The following FGF14 variants were observed in gnomAD, a reference collection of about 807,000 sequenced individuals.
FGF14 encodes fibroblast growth factor homologous factor 4.
Under a neutral mutation model 25.5 loss-of-function variants are expected in FGF14, and 5 were observed. That is an observed-to-expected ratio of 0.20 (90% confidence interval 0.10 to 0.41). The LOEUF (loss-of-function observed/expected upper bound fraction) is 0.41, where lower values mean the gene tolerates loss of function less well. FGF14 is among the 10% of genes least tolerant of loss of function. The probability of loss-of-function intolerance (pLI) is 1.00; values close to 1 mark genes in which losing one functional copy is unlikely to be tolerated. For missense variants in FGF14, 222 were observed against 320.1 expected (o/e 0.69, Z 2.34); for synonymous variants, 138 against 118.3 (o/e 1.17, Z -1.08).
chr13:101,820,286 G>T (rs1455845216), intron 3 of FGF14, among the ~76,000 whole-genome samples: 1 of 152,074 alleles, frequency 6.6e-6, no homozygotes, highest in Non-Finnish European at 1.5e-5. Context: ...CTTAAAGCAA[G>T]ATTTCTTTAT....
chr13:101,897,116 G>T (rs1421367829), intron 1 of FGF14, among the ~76,000 whole-genome samples: 2 of 152,146 alleles, frequency 1.3e-5, no homozygotes, highest in African/African-American at 4.8e-5. Context: ...TATGTGTACA[G>T]GAGAAGAAAA....
chr13:101,828,521 A>G (rs911444355), intron 3 of FGF14, among the ~76,000 whole-genome samples: 2 of 149,066 alleles, frequency 1.3e-5, no homozygotes, highest in African/African-American at 2.5e-5. Flanking sequence ...GTACTGTTTG[A>G]GTTTACCTGA....
intron 1 of FGF14, among the ~76,000 whole-genome samples, chr13:102,093,700 A>G (rs1288160499): frequency 6.6e-6 from 1 of 152,180 alleles, no homozygotes; most frequent in East Asian, 1.9e-4. Flanking sequence ...AGAAGCAGAG[A>G]AAAGTCATGA....
chr13:101,808,304 T>C (rs1299788584), intron 3 of FGF14, among the ~76,000 whole-genome samples: 2 of 152,074 alleles, frequency 1.3e-5, no homozygotes, highest in African/African-American at 4.8e-5. Context: ...CCTTCTGTTA[T>C]CCTTTTCATC....
chr13:101,908,010 T>C (rs986610481), intron 1 of FGF14, among the ~76,000 whole-genome samples: 1 of 152,282 alleles, frequency 6.6e-6, no homozygotes. Context: ...GAACATTTAT[T>C]TCTTATTATT....
chr13:102,000,330 C>CA (rs371125979), intron 1 of FGF14, among the ~76,000 whole-genome samples: 43 of 151,620 alleles, frequency 2.8e-4, no homozygotes, highest in African/African-American at 8.2e-4. Flanking sequence ...AAAACAAAAA[C>CA]AAAAAAAATC....
intron 1 of FGF14, among the ~76,000 whole-genome samples, chr13:102,043,313 T>G (rs1006849987): frequency 6.6e-6 from 1 of 152,170 alleles, no homozygotes; most frequent in Non-Finnish European, 1.5e-5. Flanking sequence ...TCCTCAATCG[T>G]ACTTAAAGCC....
chr13:101,921,824 G>C (rs1180782139), upstream of FGF14, among the ~76,000 whole-genome samples: 1 of 152,136 alleles, frequency 6.6e-6, no homozygotes, highest in African/African-American at 2.4e-5. Flanking sequence ...TGTTGCATTT[G>C]ACTCTCATCT....
chr13:101,932,756 T>TA (rs869271842), intron 1 of FGF14, among the ~76,000 whole-genome samples: 21,464 of 98,474 alleles, frequency 0.22, 2,368 homozygotes, highest in East Asian at 0.55. Flanking sequence ...AAAATTACAG[T>TA]AAAAAAAAAA....
chr13:101,934,990 G>A (rs1234850354), intron 1 of FGF14, among the ~76,000 whole-genome samples: 1 of 152,022 alleles, frequency 6.6e-6, no homozygotes, highest in African/African-American at 2.4e-5. Context: ...TATTGTATTG[G>A]CTCCTAGAAC....
intron 1 of FGF14, among the ~76,000 whole-genome samples, chr13:101,904,077 A>G (rs2139010037): frequency 6.6e-6 from 1 of 152,304 alleles, no homozygotes. Flanking sequence ...AGCGTGCAAA[A>G]GAAGAACTGA....
At chr13:101,811,187 G>A (rs1045135167) in intron 3 of FGF14, among the ~76,000 whole-genome samples, 1 of 152,080 alleles carries the variant, frequency 6.6e-6, no homozygotes, top group East Asian at 1.9e-4. Context: ...TTGGGAAAAT[G>A]TATAATGACA....
At chr13:102,319,846 G>A (rs540458623) in intron 1 of FGF14, among the ~76,000 whole-genome samples, 7 of 152,248 alleles carry the variant, frequency 4.6e-5, no homozygotes, top group African/African-American at 1.4e-4. Context: ...TATAGACATA[G>A]ATGTGCCAAA....
chr13:101,821,106 G>A (rs1205985734), intron 3 of FGF14, among the ~76,000 whole-genome samples: 2 of 150,702 alleles, frequency 1.3e-5, no homozygotes, highest in South Asian at 2.1e-4. Flanking sequence ...CCGCTACCAC[G>A]CCGGGCTAAT....
intron 1 of FGF14, among the ~76,000 whole-genome samples, chr13:101,905,014 T>C (rs1002619241): frequency 1.3e-5 from 2 of 152,228 alleles, no homozygotes; most frequent in Admixed American, 6.5e-5. Flanking sequence ...CCCTCTTTAG[T>C]GGCTTACTCC....
intron 1 of FGF14, among the ~76,000 whole-genome samples, chr13:101,875,954 T>A (rs1377490145): frequency 6.6e-6 from 1 of 152,082 alleles, no homozygotes; most frequent in Non-Finnish European, 1.5e-5. Context: ...CCCACGCATA[T>A]GAGGTCAGCT....
intron 1 of FGF14, among the ~76,000 whole-genome samples, chr13:101,947,355 T>C (rs2035874259): frequency 6.6e-6 from 1 of 152,122 alleles, no homozygotes; most frequent in African/African-American, 2.4e-5. Context: ...GGAAAATAAA[T>C]TGTTCTATGA....
At chr13:101,883,946 C>T (rs2045853538) in intron 1 of FGF14, among the ~76,000 whole-genome samples, 1 of 150,912 alleles carries the variant, frequency 6.6e-6, no homozygotes, top group Non-Finnish European at 1.5e-5. Context: ...GCCTGTAATC[C>T]CAGCTACTCT....
At chr13:102,196,624 T>A (rs748719023) in intron 1 of FGF14, among the ~76,000 whole-genome samples, 1 of 152,262 alleles carries the variant, frequency 6.6e-6, no homozygotes, top group African/African-American at 2.4e-5. Flanking sequence ...ATGTTCACAA[T>A]GTTGAATGAT....
Sources: gnomAD v4.1 joint callset for allele counts (sites outside exome capture counted in the v4.1 genomes callset) on GRCh38, gnomAD v4.1.1 for gene constraint, MANE v1.5 for transcripts, NCBI Gene and HGNC (gene_info 2026-07-23, HGNC 2026-07-21) for gene names.